PACS1: variants seen among roughly 807,000 people sequenced by gnomAD.
PACS1 encodes the protein PACS-1.
A neutral mutation model predicts 115.0 loss-of-function variants in PACS1; 24 were observed. The observed-to-expected ratio is 0.21, with a 90% confidence interval of 0.15 to 0.29. The LOEUF (loss-of-function observed/expected upper bound fraction) is 0.29, where lower values mean the gene tolerates loss of function less well. Among genes scored for constraint, PACS1 ranks in the 10% least tolerant of loss-of-function variants. The probability of loss-of-function intolerance (pLI) is 1.00; values close to 1 mark genes in which losing one functional copy is unlikely to be tolerated. For missense variants in PACS1, 838 were observed against 1,251.2 expected, an observed-to-expected ratio of 0.67 and a Z score of 4.98; for synonymous variants, 453 against 504.5, an observed-to-expected ratio of 0.90 and a Z score of 1.37.
At chr11:66,212,138 CTT>C (rs1232135307) in intron 4 of PACS1, among the ~76,000 whole-genome samples, 1 of 145,344 alleles carries the variant, frequency 6.9e-6, no homozygotes, top group Non-Finnish European at 1.5e-5. Context: ...TTTATTTTTA[CTT>C]TTTTTTTTTT....
At chr11:66,121,772 A>G (rs1858448697) in intron 1 of PACS1, among the ~76,000 whole-genome samples, 1 of 152,190 alleles carries the variant, frequency 6.6e-6, no homozygotes, top group Non-Finnish European at 1.5e-5. Context: ...GAAGGCTCAG[A>G]GAGGTGAGGA....
intron 1 of PACS1, among the ~76,000 whole-genome samples, chr11:66,155,117 C>T (rs1451412633): frequency 1.3e-5 from 2 of 152,196 alleles, no homozygotes; most frequent in Non-Finnish European, 2.9e-5. Context: ...ATACCTTATA[C>T]ACTGCCCAGA....
At chr11:66,220,479 G>A in intron 8 of PACS1, 152 bp from the exon 9 acceptor site, 1 of 705,134 alleles carries the variant, frequency 1.4e-6, no homozygotes. Context: ...GCTGGATCAT[G>A]GAAATGACGT....
chr11:66,085,903 G>A (rs1045828135), intron 1 of PACS1, among the ~76,000 whole-genome samples: 11 of 152,184 alleles, frequency 7.2e-5, no homozygotes, highest in Admixed American at 3.9e-4. Flanking sequence ...GTGGGTACAC[G>A]TGGCTTTATT....
intron 1 of PACS1, among the ~76,000 whole-genome samples, chr11:66,078,519 G>A (rs935765432): frequency 6.6e-5 from 10 of 152,298 alleles, no homozygotes; most frequent in Middle Eastern, 3.4e-3. Context: ...TGACTGGCAT[G>A]TTAATTGTCT....
Position 66,243,571 on chromosome 11 carries a change from C to T in PACS1, c.*291C>T, listed in dbSNP as rs1358736198. On this transcript the variant is annotated 3_prime_UTR_variant, in exon 24 of 24. Transcript: ENST00000320580. ...GTGCCCATAGTCCCCTGGACTGAGTCCCCCAGGCCTTCCTTCACCCGACTT... is the reference window on the plus strand; with the variant it reads ...GTGCCCATAGTCCCCTGGACTGAGTTCCCCAGGCCTTCCTTCACCCGACTT... 5.5e-6 allele frequency: 2 copies of T among 366,382 alleles called. No individual in the cohort carries two copies. Among genetic ancestry groups the T allele is most frequent in the Non-Finnish European group, 1.0e-5 (2 of 198,256 alleles). The allele number at this position is 366,382 out of a possible 1,614,324, so 22.7% of individuals were successfully genotyped here. A position where few individuals can be genotyped will look rare whatever the true frequency, so the allele number is the denominator to read the frequency against.
intron 1 of PACS1, among the ~76,000 whole-genome samples, chr11:66,074,144 A>G (rs1412147406): frequency 6.6e-6 from 1 of 152,082 alleles, no homozygotes; most frequent in African/African-American, 2.4e-5. Context: ...GATGGAAAGC[A>G]CAAAGGAAAA....
intron 1 of PACS1, among the ~76,000 whole-genome samples, chr11:66,097,928 C>T (rs142752631): frequency 3.9e-5 from 6 of 152,292 alleles, no homozygotes; most frequent in South Asian, 2.1e-4. Flanking sequence ...CCTGTAATCC[C>T]GGCACTTTGG....
intron 2 of PACS1, among the ~76,000 whole-genome samples, 185 bp from the exon 3 acceptor site, chr11:66,210,177 T>G (rs1386052280): frequency 6.6e-6 from 1 of 151,932 alleles, no homozygotes; most frequent in South Asian, 2.1e-4. Flanking sequence ...ACTACAGGCA[T>G]GTGTACCACC....
In PACS1 at chr11:66,221,175, G is replaced by A. The variant is rs745557583; in HGVS notation, c.1221G>A (p.Ser407=). 55 of 1,614,020 alleles carry A rather than the reference G, an allele frequency of 3.4e-5. No individual in the cohort carries two copies. The highest frequency in any genetic ancestry group is 6.7e-5 in the East Asian group (3 of 44,898). Residue 407 remains serine, a synonymous_variant, in exon 10 of 24, where the codon TCG becomes TCA. Coordinates refer to ENST00000320580, the MANE Select transcript of PACS1 (RefSeq NM_018026.4). ...PKLKPFFEGM[S]QSSSQTEIGS... ...ACAGGCCTTTCTTTGAGGGGATGTC[G>A]CAGTCCAGCTCCCAGACGGAGATTG... is the stretch of plus-strand genomic sequence containing the variant.
intron 5 of PACS1, 97 bp from the exon 6 acceptor site, chr11:66,216,423 G>A: frequency 7.0e-7 from 1 of 1,430,446 alleles, no homozygotes; most frequent in South Asian, 1.2e-5. Flanking sequence ...CCCTGGCTGT[G>A]TTTCCACCCA....
intron 14 of PACS1, 53 bp downstream of exon 14, chr11:66,232,329 C>G (rs891854184): frequency 1.7e-5 from 18 of 1,040,434 alleles, no homozygotes; most frequent in Non-Finnish European, 2.6e-5. Context: ...AGGCAATGCC[C>G]GGTTGCATTG....
At chr11:66,172,261 C>T (rs755184044) in intron 1 of PACS1, among the ~76,000 whole-genome samples, 13 of 152,308 alleles carry the variant, frequency 8.5e-5, no homozygotes, top group African/African-American at 2.6e-4. Flanking sequence ...CCAGCCTCCA[C>T]GGTCTCCCTT....
chr11:66,216,315 G>A, intron 5 of PACS1, 52 bp downstream of exon 5: 1 of 1,605,038 alleles, frequency 6.2e-7, no homozygotes, highest in Admixed American at 1.7e-5. Flanking sequence ...CCCATCCTGG[G>A]AAAGGTGAAC....
chr11:66,119,084 T>C (rs1858383024), intron 1 of PACS1, among the ~76,000 whole-genome samples: 1 of 152,184 alleles, frequency 6.6e-6, no homozygotes, highest in African/African-American at 2.4e-5. Flanking sequence ...TGGCACCAGA[T>C]GGACAAGGGA....
intron 1 of PACS1, chr11:66,121,112 G>A (rs560396429): frequency 8.8e-6 from 4 of 454,336 alleles, no homozygotes; most frequent in Non-Finnish European, 8.9e-6. Context: ...TGCTTACTTT[G>A]TATCTCTGTG....
chr11:66,211,889 G>A (rs895947755), intron 4 of PACS1, among the ~76,000 whole-genome samples: 3 of 152,004 alleles, frequency 2.0e-5, no homozygotes, highest in Non-Finnish European at 4.4e-5. Flanking sequence ...CGTCCCCTTC[G>A]GTCTGCAGCA....
chr11:66,080,342 C>T (rs1490787270), intron 1 of PACS1, among the ~76,000 whole-genome samples: 1 of 151,894 alleles, frequency 6.6e-6, no homozygotes, highest in African/African-American at 2.4e-5. Flanking sequence ...AGATGAGGAA[C>T]AATTATATTG....
chr11:66,090,017 A>AAC (rs1857632135), intron 1 of PACS1, among the ~76,000 whole-genome samples: 1 of 151,146 alleles, frequency 6.6e-6, no homozygotes, highest in African/African-American at 2.4e-5. Flanking sequence ...AAAAAAAAAA[A>AAC]AAAAAAAAGA....
Sources: allele counts gnomAD v4.1 joint callset (sites outside exome capture counted in the v4.1 genomes callset), GRCh38; gene constraint gnomAD v4.1.1; transcripts MANE v1.5; gene names NCBI Gene and HGNC (gene_info 2026-07-23, HGNC 2026-07-21).